Variants in SPEF2 observed in about 807,000 individuals in gnomAD.
SPEF2 encodes sperm flagellar and cilia associated 2.
SPEF2 carries 187 observed loss-of-function variants against 224.6 expected under a neutral mutation model. The observed-to-expected ratio is 0.83, with a 90% CI of 0.74 to 0.94. The LOEUF is 0.94. SPEF2 is among the 40% of genes least tolerant of loss of function. The pLI is 0.00. For missense variants in SPEF2, 2,170 were observed against 2,135.6 expected (o/e 1.02, Z -0.32); for synonymous variants, 715 against 707.3 (o/e 1.01, Z -0.17).
At chr5:35,708,197 G>C (rs542862641) in intron 18 of SPEF2, among the ~76,000 whole-genome samples, 6 of 152,178 alleles carry the variant, frequency 3.9e-5, no homozygotes, top group African/African-American at 1.4e-4. Flanking sequence ...AATGGTTGTT[G>C]CAGGAATGAA....
intron 10 of SPEF2, chr5:35,671,279 C>T (rs1751189226): frequency 1.0e-6 from 1 of 972,970 alleles, no homozygotes; most frequent in African/African-American, 1.8e-5. Flanking sequence ...GTAAATATTA[C>T]AAGAAGATAA....
intron 20 of SPEF2, among the ~76,000 whole-genome samples, chr5:35,722,534 G>A (rs534541471): frequency 3.1e-4 from 44 of 141,284 alleles, no homozygotes; most frequent in Admixed American, 5.0e-4. Flanking sequence ...TGCACATTAT[G>A]CAGGTTAGTT....
intron 1 of SPEF2, among the ~76,000 whole-genome samples, chr5:35,619,667 ACT>A (rs1221075302): frequency 1.3e-5 from 2 of 151,596 alleles, no homozygotes; most frequent in East Asian, 1.9e-4. Flanking sequence ...ACACAGAAAG[ACT>A]CTGTCTCAAA....
rs925180421 is a variant in SPEF2 at position 35,709,745 on chromosome 5, G to A, written c.2839+624G>A. On this transcript the variant is annotated intron_variant, in intron 19 of 36. Transcript: ENST00000356031. ...ATGGACCATAAGTCTAGCATTAAGT[G>A]GCAGACAATGAATATAATGACAAAA... 3.0e-6 allele frequency: 3 copies of A among 985,176 alleles called. No homozygotes were observed. In the African/African-American group the frequency reaches 5.2e-5, roughly 17 times the overall value. 61.0% of individuals were successfully genotyped at this position (985,176 alleles called of 1,614,324 possible).
chr5:35,671,459 C>T, intron 10 of SPEF2: 4 of 979,048 alleles, frequency 4.1e-6, no homozygotes, highest in Non-Finnish European at 4.9e-6. Flanking sequence ...GTAAAATATA[C>T]TAGACCTATT....
intron 23 of SPEF2, among the ~76,000 whole-genome samples, chr5:35,745,173 C>T (rs1277203480): frequency 6.6e-6 from 1 of 152,172 alleles, no homozygotes; most frequent in African/African-American, 2.4e-5. Flanking sequence ...ACTGGGAGCT[C>T]GCTGGGTGCC....
intron 23 of SPEF2, among the ~76,000 whole-genome samples, chr5:35,746,695 A>C (rs185299051): frequency 2.0e-5 from 3 of 152,266 alleles, no homozygotes; most frequent in Admixed American, 2.0e-4. Context: ...AAACCGAACA[A>C]TAATTGGTGT....
In SPEF2 at chr5:35,740,172, G is replaced by A. The variant is rs200831191; in HGVS notation, c.3235G>A (p.Asp1079Asn). 8.4e-5 allele frequency: 136 copies of A among 1,614,116 alleles called. No individual in the cohort carries two copies. In the East Asian group the frequency reaches 2.9e-3, roughly 35 times the overall value. Residue 1079 changes from aspartate to asparagine, a missense_variant, in exon 23 of 37, where the codon GAT becomes AAT. Asp to Asn is a conservative substitution (Grantham distance 23). Coordinates refer to ENST00000356031, the MANE Select transcript of SPEF2 (RefSeq NM_024867.4). ...EFLKRPDHKQ[D>N]FVAQWQADFN... ...TCTAAAGCGTCCGGATCACAAGCAA[G>A]ATTTTGTAGCTCAATGGCAGGCTGA...
Position 35,709,042 on chromosome 5 carries a change from T to G in SPEF2, c.2760T>G (p.Pro920=), listed in dbSNP as rs775316393. ...PLPTPPPAPP[P]EPEKEKEIHQ... ...CTACACCTCCTCCTGCTCCTCCTCC[T>G]GAACCAGAAAAAGAGAAGGAAATTC... Residue 920 remains proline, a synonymous_variant, in exon 19 of 37, where the codon CCT becomes CCG. Transcript: ENST00000356031. The G allele has an allele frequency of 6.2e-7, 1 of 1,613,884 alleles. No homozygotes were observed.
At chr5:35,654,791 C>A in intron 7 of SPEF2, 65 bp downstream of exon 7, 3 of 1,407,808 alleles carry the variant, frequency 2.1e-6, no homozygotes, top group South Asian at 1.4e-5. Context: ...GTCTTCTATA[C>A]ACATAATATG....
intron 8 of SPEF2, among the ~76,000 whole-genome samples, chr5:35,660,796 C>T (rs190999882): frequency 5.9e-5 from 9 of 152,254 alleles, no homozygotes; most frequent in African/African-American, 9.6e-5. Flanking sequence ...GTATGTTTAG[C>T]TGGACTGGTC....
At chr5:35,719,914 C>G (rs1292826161) in intron 20 of SPEF2, among the ~76,000 whole-genome samples, 2 of 152,082 alleles carry the variant, frequency 1.3e-5, no homozygotes, top group African/African-American at 4.8e-5. Flanking sequence ...GCCACTGCAC[C>G]CAGCCAGAGA....
At chr5:35,652,963 A>G (rs1366490598) in intron 6 of SPEF2, among the ~76,000 whole-genome samples, 1 of 152,232 alleles carries the variant, frequency 6.6e-6, no homozygotes, top group Admixed American at 6.5e-5. Flanking sequence ...ATGATTATAC[A>G]TAATATAAAA....
At chr5:35,788,694 T>C (rs769610210) in intron 30 of SPEF2, 9 of 702,986 alleles carry the variant, frequency 1.3e-5, no homozygotes, top group South Asian at 5.9e-5. Flanking sequence ...ACCCATAGCA[T>C]AGAGGGAGAG....
intron 27 of SPEF2, among the ~76,000 whole-genome samples, chr5:35,772,680 A>T (rs1186624597): frequency 6.6e-6 from 1 of 152,134 alleles, no homozygotes; most frequent in Admixed American, 6.5e-5. Context: ...CTCAATAAAG[A>T]ACGCACCACT....
At chr5:35,802,258 C>T (rs1486249629) in intron 34 of SPEF2, among the ~76,000 whole-genome samples, 1 of 152,178 alleles carries the variant, frequency 6.6e-6, no homozygotes, top group Non-Finnish European at 1.5e-5. Context: ...AACAATGCCA[C>T]ATCTTTCACG....
intron 20 of SPEF2, among the ~76,000 whole-genome samples, chr5:35,724,888 T>A (rs534823969): frequency 6.6e-6 from 1 of 152,116 alleles, no homozygotes; most frequent in South Asian, 2.1e-4. Flanking sequence ...ACCTGGAGAG[T>A]TCCCTCTTGT....
intron 20 of SPEF2, among the ~76,000 whole-genome samples, chr5:35,720,257 G>T (rs557498760): frequency 6.6e-6 from 1 of 152,132 alleles, no homozygotes; most frequent in Non-Finnish European, 1.5e-5. Flanking sequence ...ATTATTAAAG[G>T]CCATAAATAG....
chr5:35,762,231 A>T (rs1471363509), intron 25 of SPEF2, among the ~76,000 whole-genome samples: 2 of 152,190 alleles, frequency 1.3e-5, no homozygotes, highest in African/African-American at 4.8e-5. Flanking sequence ...AGCTACCTAC[A>T]TCAGAGTTCT....
Sources: allele counts gnomAD v4.1 joint callset (sites outside exome capture counted in the v4.1 genomes callset), GRCh38; gene constraint gnomAD v4.1.1; transcripts MANE v1.5; gene names NCBI Gene and HGNC (gene_info 2026-07-23, HGNC 2026-07-21).